Variants in ATP8A2 observed in about 807,000 individuals in gnomAD.
ATP8A2 encodes the protein ATPase phospholipid transporting 8A2, also known as phospholipid-transporting ATPase IB.
Under a neutral mutation model 165.6 loss-of-function variants are expected in ATP8A2, and 100 were observed. The observed-to-expected ratio is 0.60, with a 90% CI of 0.51 to 0.71. The LOEUF is 0.71. ATP8A2 is among the 30% of genes least tolerant of loss of function. The pLI, the probability that ATP8A2 is intolerant of heterozygous loss-of-function variation, is 0.00. For synonymous variants in ATP8A2, 543 were observed against 548.8 expected (o/e 0.99, Z 0.15); for missense variants, 1,227 against 1,479.5 (o/e 0.83, Z 2.80).
intron 24 of ATP8A2, among the ~76,000 whole-genome samples, chr13:25,614,000 A>G (rs1432186567): frequency 6.6e-6 from 1 of 152,202 alleles, no homozygotes; most frequent in African/African-American, 2.4e-5. Flanking sequence ...AGATAACCTG[A>G]TGACTGTGTA....
At chr13:25,396,378 G>T (rs9581333) in intron 1 of ATP8A2, among the ~76,000 whole-genome samples, 18,096 of 152,090 alleles carry the variant, frequency 0.12, 1,279 homozygotes, top group Non-Finnish European at 0.15. Flanking sequence ...GGCTGGCCTT[G>T]GGGAAAAGGG....
chr13:25,443,248 A>G (rs1420162856), intron 1 of ATP8A2, among the ~76,000 whole-genome samples: 3 of 152,162 alleles, frequency 2.0e-5, no homozygotes, highest in African/African-American at 7.2e-5. Flanking sequence ...AGTGATAGCA[A>G]CCTATAGTGA....
chr13:25,503,643 A>G (rs1298768612), intron 2 of ATP8A2, among the ~76,000 whole-genome samples: 5 of 152,134 alleles, frequency 3.3e-5, no homozygotes, highest in Admixed American at 1.3e-4. Context: ...CACTCTGTAT[A>G]TTTTCTCTTG....
intron 1 of ATP8A2, among the ~76,000 whole-genome samples, chr13:25,421,885 A>C (rs1248573055): frequency 1.3e-5 from 2 of 152,232 alleles, no homozygotes. Flanking sequence ...ATCAGATGAA[A>C]GTTCTCTTTG....
intron 33 of ATP8A2, among the ~76,000 whole-genome samples, chr13:25,875,044 A>G (rs1474100178): frequency 6.6e-6 from 1 of 151,980 alleles, no homozygotes; most frequent in Admixed American, 6.5e-5. Context: ...CTGCTTGTAT[A>G]TAGTGAGTAC....
intron 35 of ATP8A2, among the ~76,000 whole-genome samples, chr13:26,010,792 G>A (rs531572101): frequency 1.3e-5 from 2 of 152,354 alleles, no homozygotes; most frequent in South Asian, 4.1e-4. Flanking sequence ...GTGAAAGGAT[G>A]GAGAAAGTAT....
intron 35 of ATP8A2, among the ~76,000 whole-genome samples, chr13:26,002,421 G>T (rs866812442): frequency 6.6e-6 from 1 of 152,064 alleles, no homozygotes; most frequent in Non-Finnish European, 1.5e-5. Flanking sequence ...GTCGTGGGGT[G>T]GGGGGATGGG....
intron 1 of ATP8A2, among the ~76,000 whole-genome samples, chr13:25,378,997 A>C (rs2032741369): frequency 6.6e-6 from 1 of 152,254 alleles, no homozygotes; most frequent in East Asian, 1.9e-4. Flanking sequence ...ATATTTGTAT[A>C]CTTTTCTTTT....
chr13:25,975,462 G>A (rs1292161965), intron 35 of ATP8A2, among the ~76,000 whole-genome samples: 2 of 151,770 alleles, frequency 1.3e-5, no homozygotes, highest in Admixed American at 6.6e-5. Flanking sequence ...GGCACCTGTA[G>A]TCCCAGCTAC....
At chr13:25,587,162 A>G (rs2039944963) in intron 23 of ATP8A2, among the ~76,000 whole-genome samples, 1 of 152,146 alleles carries the variant, frequency 6.6e-6, no homozygotes, top group Non-Finnish European at 1.5e-5. Context: ...ATTTTATCCA[A>G]AAACATTAGA....
chr13:25,856,248 A>G (rs1394322691), intron 30 of ATP8A2, among the ~76,000 whole-genome samples: 2 of 152,218 alleles, frequency 1.3e-5, no homozygotes, highest in Admixed American at 6.5e-5. Flanking sequence ...ATTCATCGCT[A>G]TGTTTTATCA....
chr13:25,425,718 G>A (rs941418229), intron 1 of ATP8A2, among the ~76,000 whole-genome samples: 2 of 152,072 alleles, frequency 1.3e-5, no homozygotes, highest in Admixed American at 6.5e-5. Flanking sequence ...GGGACTACAA[G>A]TGCCCACCAC....
At chr13:25,744,429 C>T (rs1029706459) in intron 25 of ATP8A2, among the ~76,000 whole-genome samples, 40 of 151,968 alleles carry the variant, frequency 2.6e-4, no homozygotes, top group African/African-American at 3.1e-4. Flanking sequence ...GAAAACTGTG[C>T]GTGTGTTTGC....
At chr13:25,455,456 T>G (rs1416235203) in intron 1 of ATP8A2, among the ~76,000 whole-genome samples, 1 of 152,236 alleles carries the variant, frequency 6.6e-6, no homozygotes, top group Non-Finnish European at 1.5e-5. Flanking sequence ...TTTTATTACT[T>G]AGGCCTATAA....
At chr13:25,594,306 G>A (rs961089810) in intron 24 of ATP8A2, among the ~76,000 whole-genome samples, 1 of 152,202 alleles carries the variant, frequency 6.6e-6, no homozygotes, top group East Asian at 1.9e-4. Flanking sequence ...TACTTGGAGA[G>A]CATTTGGTTT....
At chr13:25,856,171 T>C (rs1952160581) in intron 30 of ATP8A2, among the ~76,000 whole-genome samples, 1 of 152,224 alleles carries the variant, frequency 6.6e-6, no homozygotes, top group African/African-American at 2.4e-5. Flanking sequence ...TCATCTACAT[T>C]TTTCTTTCCT....
chr13:25,575,029 A>G (rs1040556870), intron 19 of ATP8A2, among the ~76,000 whole-genome samples, 172 bp downstream of exon 19: 3 of 152,236 alleles, frequency 2.0e-5, no homozygotes, highest in African/African-American at 7.2e-5. Flanking sequence ...TTCATTAAAG[A>G]AAGTGAAGTA....
At chr13:25,877,229 C>G (rs1366923828) in intron 33 of ATP8A2, among the ~76,000 whole-genome samples, 1 of 152,116 alleles carries the variant, frequency 6.6e-6, no homozygotes. Flanking sequence ...CTTTCTCCCC[C>G]AAAAACTTTT....
rs116030142 is a variant in ATP8A2, at chr13:25,376,730, T to C, written c.76+4442T>C. 4.0e-3 allele frequency among the ~76,000 whole-genome samples: 612 copies of C among 152,368 alleles called. 3 individuals carry two copies. The highest frequency in any genetic ancestry group is 0.014 in the African/African-American group (590 of 41,590). On this transcript the variant is annotated intron_variant, in intron 1 of 36. Coordinates refer to ENST00000381655, the MANE Select transcript of ATP8A2 (RefSeq NM_016529.6). ...GTCCTCCAGCTAGGTATTTATCCTA[T>C]GTAATAGAAGAATTGGCAAAACTTT... is the stretch of plus-strand genomic sequence containing the variant.
Sources: allele counts gnomAD v4.1 joint callset (sites outside exome capture counted in the v4.1 genomes callset), GRCh38; gene constraint gnomAD v4.1.1; transcripts MANE v1.5; gene names NCBI Gene and HGNC (gene_info 2026-07-23, HGNC 2026-07-21).